Variants in LAMB4 observed in about 807,000 individuals in gnomAD.
LAMB4 encodes the protein laminin subunit beta-4.
A neutral mutation model predicts 199.2 loss-of-function variants in LAMB4; 196 were observed. The ratio of observed to expected loss-of-function variants is 0.98; its 90% confidence interval spans 0.88 to 1.11. The LOEUF is 1.11. Among genes scored for constraint, LAMB4 ranks in the 50% least tolerant of loss-of-function variants. LAMB4 has a pLI of 0.00. For missense variants in LAMB4, 2,080 were observed against 2,171.2 expected, an observed-to-expected ratio of 0.96 and a Z score of 0.83; for synonymous variants, 744 against 770.6, an observed-to-expected ratio of 0.97 and a Z score of 0.57.
intron 12 of LAMB4, among the ~76,000 whole-genome samples, chr7:108,093,682 A>T (rs2037494099): frequency 6.6e-6 from 1 of 152,208 alleles, no homozygotes; most frequent in South Asian, 2.1e-4. Context: ...TTTAGTATAA[A>T]ATGCTAAAAA....
At chr7:108,034,872 T>G (rs1050675762) in intron 30 of LAMB4, among the ~76,000 whole-genome samples, 2 of 152,152 alleles carry the variant, frequency 1.3e-5, no homozygotes, top group Non-Finnish European at 2.9e-5. Context: ...GTGATAACAG[T>G]CTTTCTGCAG....
chr7:108,076,908 G>A lies in LAMB4; in HGVS notation c.2124+36C>T, dbSNP rs1408880396. On this transcript the variant is annotated intron_variant, in intron 17 of 33. Coordinates refer to ENST00000388781, the MANE Select transcript of LAMB4 (RefSeq NM_007356.3). ...AAAGTAGTTATAACGGTGCTTAGTA[G>A]CGAAGAAAGCACCCACAAAACTCTG... The A allele has an allele frequency of 2.5e-6, 4 of 1,607,486 alleles. No individual in the cohort carries two copies. The South Asian group carries it at 4.4e-5, about 18-fold the overall frequency.
At chr7:108,082,675 G>C (rs897013620) in intron 14 of LAMB4, among the ~76,000 whole-genome samples, 1 of 152,162 alleles carries the variant, frequency 6.6e-6, no homozygotes, top group African/African-American at 2.4e-5. Flanking sequence ...TTTGCAGTTG[G>C]CACTGGTTCT....
At chr7:108,115,448 C>A (rs762455955) in intron 3 of LAMB4, among the ~76,000 whole-genome samples, 2 of 152,092 alleles carry the variant, frequency 1.3e-5, no homozygotes, top group Non-Finnish European at 2.9e-5. Flanking sequence ...GTGGGAAGAT[C>A]GCTTGAGGCA....
In LAMB4 at chr7:108,076,644, T is replaced by C. The variant is rs567590809; in HGVS notation, c.2124+300A>G. ...CTGGGTGGCTCTGATTCTGGACTCC[T>C]CACTCACTAGCTCTGTGACCCTGTC... On this transcript the variant is annotated intron_variant, in intron 17 of 33. Coordinates refer to ENST00000388781, the MANE Select transcript of LAMB4 (RefSeq NM_007356.3). 1.4e-4 allele frequency among the ~76,000 whole-genome samples: 22 copies of C among 152,246 alleles called. No homozygotes were observed. In the East Asian group the frequency reaches 4.3e-3, roughly 29 times the overall value.
At chr7:108,048,683 CT>C (rs2035728185) in intron 27 of LAMB4, among the ~76,000 whole-genome samples, 1 of 150,716 alleles carries the variant, frequency 6.6e-6, no homozygotes, top group African/African-American at 2.5e-5. Context: ...GTGAGTTTCA[CT>C]TTTTATTTAA....
At chr7:108,084,834 C>G (rs1422246381) in intron 14 of LAMB4, among the ~76,000 whole-genome samples, 1 of 134,508 alleles carries the variant, frequency 7.4e-6, no homozygotes, top group East Asian at 2.2e-4. Context: ...CTCTTGACCT[C>G]CTGGGCTCAA....
intron 21 of LAMB4, among the ~76,000 whole-genome samples, chr7:108,064,503 T>C (rs973521249): frequency 6.6e-6 from 1 of 152,226 alleles, no homozygotes; most frequent in African/African-American, 2.4e-5. Context: ...TTAAGCAGTC[T>C]GAAGGAACCA....
rs149477604 is a variant in LAMB4, at chr7:108,107,726, A to C, written c.496T>G (p.Ser166Ala). 5.6e-6 allele frequency: 9 copies of C among 1,613,686 alleles called. No homozygotes were observed. The African/African-American group carries it at 1.1e-4, about 19-fold the overall frequency. Residue 166 changes from serine (S) to alanine (A), a missense_variant, in exon 6 of 34, where the codon TCC (serine) becomes GCC (alanine). By Grantham distance (99) the Ser-to-Ala change is moderately conservative (BLOSUM62 1). Coordinates refer to ENST00000388781, the MANE Select transcript of LAMB4 (RefSeq NM_007356.3). ...FKYFAKDCAT[S>A]FPNITSGQAQ... ...TGGCCAGATGTGATGTTAGGAAAGGAAGTGGCACAGTCTTTTGCAAAATAT... is the reference window on the plus strand; with the variant it reads ...TGGCCAGATGTGATGTTAGGAAAGGCAGTGGCACAGTCTTTTGCAAAATAT...
intron 10 of LAMB4, among the ~76,000 whole-genome samples, chr7:108,100,096 T>C (rs1044376304): frequency 6.6e-6 from 1 of 152,188 alleles, no homozygotes; most frequent in African/African-American, 2.4e-5. Context: ...GAGAATAATT[T>C]AATTATGCAC....
At chr7:108,109,740 G>A (rs1438126194) in intron 4 of LAMB4, among the ~76,000 whole-genome samples, 1 of 152,226 alleles carries the variant, frequency 6.6e-6, no homozygotes, top group Non-Finnish European at 1.5e-5. Flanking sequence ...GGACCTGTGG[G>A]CTCCTCTGTG....
intron 23 of LAMB4, among the ~76,000 whole-genome samples, chr7:108,061,057 A>G (rs1367517321): frequency 2.0e-5 from 3 of 152,342 alleles, no homozygotes; most frequent in Admixed American, 6.5e-5. Flanking sequence ...TGAGAGTGGC[A>G]CTTGACTTCT....
intron 29 of LAMB4, among the ~76,000 whole-genome samples, chr7:108,041,977 G>A (rs894145495): frequency 1.3e-5 from 2 of 152,126 alleles, no homozygotes; most frequent in African/African-American, 4.8e-5. Flanking sequence ...TGAGATTATA[G>A]ATTCAAATTT....
chr7:108,065,153 C>A (rs1428568920), intron 21 of LAMB4, among the ~76,000 whole-genome samples: 16 of 152,112 alleles, frequency 1.1e-4, no homozygotes, highest in Non-Finnish European at 2.4e-4. Flanking sequence ...AGTAATCCTC[C>A]CTCACCCACT....
At chr7:108,026,051 T>C (rs2034825216) in intron 33 of LAMB4, among the ~76,000 whole-genome samples, 1 of 152,134 alleles carries the variant, frequency 6.6e-6, no homozygotes. Flanking sequence ...TCCCTCAGGC[T>C]CCTGTGGGGT....
downstream of LAMB4, among the ~76,000 whole-genome samples, chr7:108,019,486 T>C (rs150471110): frequency 6.6e-6 from 1 of 152,174 alleles, no homozygotes; most frequent in Non-Finnish European, 1.5e-5. Context: ...ACGTAATATA[T>C]TCACAGGTTC....
At chr7:108,051,666 T>A (rs1357913898) in intron 26 of LAMB4, among the ~76,000 whole-genome samples, 3 of 152,210 alleles carry the variant, frequency 2.0e-5, no homozygotes, top group Non-Finnish European at 4.4e-5. Context: ...AAAGCTCTTA[T>A]GAGAAATATT....
intron 28 of LAMB4, among the ~76,000 whole-genome samples, chr7:108,045,927 G>A (rs1181478000): frequency 6.6e-6 from 1 of 152,024 alleles, no homozygotes; most frequent in East Asian, 1.9e-4. Flanking sequence ...TATAGGGGGT[G>A]TGTGTGTGTG....
At chr7:108,129,111 C>T (rs796385149) in intron 1 of LAMB4, among the ~76,000 whole-genome samples, 1 of 152,318 alleles carries the variant, frequency 6.6e-6, no homozygotes, top group African/African-American at 2.4e-5. Flanking sequence ...CATCTGCTCT[C>T]ACTTGAAGGC....
Sources: allele counts gnomAD v4.1 joint callset (sites outside exome capture counted in the v4.1 genomes callset), GRCh38; gene constraint gnomAD v4.1.1; transcripts MANE v1.5; gene names NCBI Gene and HGNC (gene_info 2026-07-23, HGNC 2026-07-21).